The following SLCO6A1 variants were observed in gnomAD, a reference collection of about 807,000 sequenced individuals.
The protein encoded by SLCO6A1 is cancer/testis antigen 48.
Under a neutral mutation model 72.7 loss-of-function variants are expected in SLCO6A1, and 65 were observed. The ratio of observed to expected loss-of-function variants is 0.89; its 90% CI spans 0.73 to 1.10. The LOEUF (loss-of-function observed/expected upper bound fraction) is 1.10, where lower values mean the gene tolerates loss of function less well. Among genes scored for constraint, SLCO6A1 ranks in the 50% least tolerant of loss-of-function variants. The pLI, the probability that SLCO6A1 is intolerant of heterozygous loss-of-function variation, is 0.00. For synonymous variants in SLCO6A1, 314 were observed against 298.2 expected, an observed-to-expected ratio of 1.05 and a Z score of -0.55; for missense variants, 874 against 872.6, an observed-to-expected ratio of 1.00 and a Z score of -0.02.
At chr5:102,439,502 A>G (rs1465992539) in intron 6 of SLCO6A1, among the ~76,000 whole-genome samples, 1 of 152,146 alleles carries the variant, frequency 6.6e-6, no homozygotes, top group Admixed American at 6.6e-5. Context: ...GGCCCTAAAC[A>G]TCCCTGTTAG....
intron 12 of SLCO6A1, among the ~76,000 whole-genome samples, chr5:102,386,608 G>A (rs189553718): frequency 7.2e-5 from 11 of 152,156 alleles, no homozygotes; most frequent in East Asian, 5.8e-4. Context: ...GCCTCAGGCT[G>A]CAAGTTCCCA....
chr5:102,444,512 C>T (rs531644757), intron 6 of SLCO6A1, among the ~76,000 whole-genome samples: 1 of 152,244 alleles, frequency 6.6e-6, no homozygotes, highest in South Asian at 2.1e-4. Context: ...TGCTAAATAG[C>T]CATAATTAGC....
chr5:102,421,014 G>A (rs1748566403), intron 7 of SLCO6A1, among the ~76,000 whole-genome samples: 1 of 152,098 alleles, frequency 6.6e-6, no homozygotes, highest in Non-Finnish European at 1.5e-5. Context: ...AAGCAGAAGG[G>A]GCTGGGGAAC....
chr5:102,399,413 T>C, intron 10 of SLCO6A1, 142 bp downstream of exon 10: 1 of 463,284 alleles, frequency 2.2e-6, no homozygotes, highest in Admixed American at 4.2e-5. Flanking sequence ...TACACATGAA[T>C]TGTGTCAATT....
chr5:102,394,084 T>A lies in SLCO6A1; in HGVS notation c.1815-3039A>T, dbSNP rs563319198. On this transcript the variant is annotated intron_variant, in intron 10 of 13. Coordinates refer to ENST00000506729, the MANE Select transcript of SLCO6A1 (RefSeq NM_173488.5). ...AATTTGGCAAGTACCTCAGGGGCAG[T>A]TTTAGATGCCCAGTTCACCTCTGAA... Among the ~76,000 whole-genome samples the A allele has an allele frequency of 3.3e-5, 5 of 152,206 alleles. No homozygotes were observed. In the South Asian group the frequency reaches 1.0e-3, roughly 32 times the overall value.
rs922169715 is a variant in SLCO6A1 at position 102,399,380 on chromosome 5, G to A, written c.1814+175C>T. ...ATATTTACATACTCTATGCAAATAA[G>A]TTAGCTAAAAGAGAAATAATTATAC... On this transcript the variant is annotated intron_variant, in intron 10 of 13. Coordinates refer to ENST00000506729, the MANE Select transcript of SLCO6A1 (RefSeq NM_173488.5). Among the ~76,000 whole-genome samples the A allele has an allele frequency of 6.5e-4, 99 of 152,060 alleles. 1 individual carries two copies. Among genetic ancestry groups the A allele is most frequent in the East Asian group, 2.1e-3 (11 of 5,176 alleles).
intron 3 of SLCO6A1, 68 bp downstream of exon 3, chr5:102,477,608 A>T: frequency 2.3e-6 from 3 of 1,315,154 alleles, no homozygotes; most frequent in Non-Finnish European, 1.1e-6. Flanking sequence ...ATATCAGCTT[A>T]GATATGCATA....
At chr5:102,412,085 C>A (rs1748017710) in intron 9 of SLCO6A1, among the ~76,000 whole-genome samples, 1 of 152,072 alleles carries the variant, frequency 6.6e-6, no homozygotes, top group African/African-American at 2.4e-5. Context: ...ACAAACTCAA[C>A]CAATTGTCGA....
At chr5:102,416,061 T>A (rs936657057) in intron 8 of SLCO6A1, among the ~76,000 whole-genome samples, 1 of 152,064 alleles carries the variant, frequency 6.6e-6, no homozygotes, top group Non-Finnish European at 1.5e-5. Context: ...AGATAACAGA[T>A]GTTAGAAAAG....
chr5:102,394,407 A>G (rs1746947023), intron 10 of SLCO6A1, among the ~76,000 whole-genome samples: 1 of 152,114 alleles, frequency 6.6e-6, no homozygotes, highest in Non-Finnish European at 1.5e-5. Flanking sequence ...CACTGGAGAA[A>G]TTTGCTTGCT....
chr5:102,376,719 T>C (rs1745816693), intron 12 of SLCO6A1, among the ~76,000 whole-genome samples: 1 of 152,088 alleles, frequency 6.6e-6, no homozygotes, highest in Non-Finnish European at 1.5e-5. Context: ...CTGCAAAATA[T>C]GCATTTCTAG....
At chr5:102,408,840 T>A (rs1220171767) in intron 9 of SLCO6A1, among the ~76,000 whole-genome samples, 2 of 152,142 alleles carry the variant, frequency 1.3e-5, no homozygotes, top group Non-Finnish European at 2.9e-5. Context: ...AGGAGGTCAG[T>A]AAATAAAATT....
chr5:102,427,864 ATT>A lies in SLCO6A1; in HGVS notation c.1277-7845_1277-7844del, dbSNP rs1200200259. On this transcript the variant is annotated intron_variant, in intron 7 of 13. Coordinates refer to ENST00000506729, the MANE Select transcript of SLCO6A1 (RefSeq NM_173488.5). ...TGTATACATATATATATATATATAT[ATT>A]TTTTTTTTTTTTTTTTTTTTTGAGA... Among the ~76,000 whole-genome samples, 171 of 76,216 alleles carry A rather than the reference ATT, an allele frequency of 2.2e-3. 2 individuals are homozygous for A. Among genetic ancestry groups the A allele is most frequent in the East Asian group, 5.7e-3 (17 of 3,004 alleles). 50.0% of individuals were successfully genotyped at this position (76,216 alleles called of 152,430 possible). A position where few individuals can be genotyped will look rare whatever the true frequency, so the allele number is the denominator to read the frequency against.
intron 8 of SLCO6A1, among the ~76,000 whole-genome samples, chr5:102,413,786 T>A (rs1169667396): frequency 6.6e-6 from 1 of 152,276 alleles, no homozygotes; most frequent in African/African-American, 2.4e-5. Context: ...GGTCTCTTTT[T>A]AAAAAAATGT....
chr5:102,470,553 C>G (rs2112798768), intron 4 of SLCO6A1, among the ~76,000 whole-genome samples: 1 of 151,938 alleles, frequency 6.6e-6, no homozygotes, highest in African/African-American at 2.4e-5. Context: ...TCTCTCTTTT[C>G]TTCTTTATTA....
intron 10 of SLCO6A1, among the ~76,000 whole-genome samples, chr5:102,395,047 G>A (rs1746987578): frequency 6.6e-6 from 1 of 151,670 alleles, no homozygotes. Flanking sequence ...AAAAAAATTT[G>A]TTTTTATTAT....
intron 6 of SLCO6A1, among the ~76,000 whole-genome samples, chr5:102,443,388 G>C (rs374637630): frequency 6.6e-6 from 1 of 152,036 alleles, no homozygotes; most frequent in Non-Finnish European, 1.5e-5. Context: ...TGCTATGTCA[G>C]TATATCAAAG....
At chr5:102,435,735 C>T (rs1376062076) in intron 7 of SLCO6A1, among the ~76,000 whole-genome samples, 3 of 151,992 alleles carry the variant, frequency 2.0e-5, no homozygotes, top group Non-Finnish European at 4.4e-5. Flanking sequence ...ATTAGCTGGG[C>T]GTGGTGGTGC....
chr5:102,449,833 T>G (rs1306906818), intron 6 of SLCO6A1, among the ~76,000 whole-genome samples: 2 of 152,240 alleles, frequency 1.3e-5, no homozygotes, highest in Non-Finnish European at 2.9e-5. Context: ...CATATTTCTT[T>G]GAGGTTTTGT....
Sources: gnomAD v4.1 joint callset for allele counts (sites outside exome capture counted in the v4.1 genomes callset) on GRCh38, gnomAD v4.1.1 for gene constraint, MANE v1.5 for transcripts, NCBI Gene and HGNC (gene_info 2026-07-23, HGNC 2026-07-21) for gene names.